The following LRRC4C variants were observed in gnomAD, a reference collection of about 807,000 sequenced individuals.
The protein encoded by LRRC4C is leucine rich repeat containing 4C.
A neutral mutation model predicts 33.6 loss-of-function variants in LRRC4C; 5 were observed. That is an observed-to-expected ratio of 0.15 (90% CI 0.08 to 0.31). The LOEUF (loss-of-function observed/expected upper bound fraction) is 0.31. LRRC4C is among the 10% of genes least tolerant of loss of function. The probability of loss-of-function intolerance (pLI) is 1.00; values close to 1 mark genes in which losing one functional copy is unlikely to be tolerated. For synonymous variants in LRRC4C, 329 were observed against 302.0 expected (o/e 1.09, Z -0.93); for missense variants, 560 against 796.7 (o/e 0.70, Z 3.58).
chr11:41,078,698 G>A (rs931677929), intron 1 of LRRC4C, among the ~76,000 whole-genome samples: 3 of 152,098 alleles, frequency 2.0e-5, no homozygotes, highest in African/African-American at 7.2e-5. Context: ...TCTGACACAT[G>A]GGGATTACAA....
At chr11:40,449,544 GC>G (rs778564425) in intron 3 of LRRC4C, among the ~76,000 whole-genome samples, 53 of 152,130 alleles carry the variant, frequency 3.5e-4, no homozygotes, top group Middle Eastern at 6.8e-3. Context: ...GAAAACCGAG[GC>G]CCCCAAAGTT....
intron 1 of LRRC4C, among the ~76,000 whole-genome samples, chr11:41,372,620 C>T (rs141595283): frequency 3.3e-5 from 5 of 152,172 alleles, no homozygotes; most frequent in Admixed American, 2.6e-4. Flanking sequence ...GTTGGAGACA[C>T]AGATACTCTC....
chr11:41,220,448 G>A (rs1469536608), intron 1 of LRRC4C, among the ~76,000 whole-genome samples: 6 of 150,322 alleles, frequency 4.0e-5, no homozygotes, highest in Non-Finnish European at 5.9e-5. Context: ...TTGGCGGGGG[G>A]GTGTTATCCA....
rs549647072 is a variant in LRRC4C at position 40,947,054 on chromosome 11, T to C, written c.-495-13331A>G. On this transcript the variant is annotated intron_variant, in intron 1 of 6. Transcript: ENST00000528697. ...GCGAAGTTAAGGCAGAAGTCGTACATTTTTTTTCTTTATCAGAGAAAGTTC... is the reference window on the plus strand; with the variant it reads ...GCGAAGTTAAGGCAGAAGTCGTACACTTTTTTTCTTTATCAGAGAAAGTTC... Among the ~76,000 whole-genome samples, 3 of 152,094 alleles carry C rather than the reference T, an allele frequency of 2.0e-5. No individual in the cohort carries two copies. In the East Asian group the frequency reaches 5.8e-4, roughly 29 times the overall value.
intron 6 of LRRC4C, among the ~76,000 whole-genome samples, chr11:40,117,640 C>T (rs1051318800): frequency 4.0e-5 from 6 of 150,956 alleles, no homozygotes; most frequent in Middle Eastern, 3.2e-3. Context: ...TGTGTAATAA[C>T]TTCTCCCAAG....
chr11:41,279,426 A>ACCCCCCCC (rs758334311), intron 1 of LRRC4C, among the ~76,000 whole-genome samples: 6 of 113,272 alleles, frequency 5.3e-5, no homozygotes, highest in East Asian at 3.4e-4. Context: ...ACACACACAC[A>ACCCCCCCC]CACCGTGGCA....
At chr11:40,696,152 G>A (rs1291865787) in intron 2 of LRRC4C, among the ~76,000 whole-genome samples, 2 of 146,188 alleles carry the variant, frequency 1.4e-5, no homozygotes, top group East Asian at 4.0e-4. Context: ...TATGCAACAA[G>A]CAATCTAAGA....
At chr11:41,351,621 C>A (rs1951987367) in intron 1 of LRRC4C, among the ~76,000 whole-genome samples, 1 of 152,084 alleles carries the variant, frequency 6.6e-6, no homozygotes, top group Non-Finnish European at 1.5e-5. Flanking sequence ...ACAAAGGGAA[C>A]CCCATCAGGC....
At chr11:41,069,029 G>A (rs1225605312) in intron 1 of LRRC4C, among the ~76,000 whole-genome samples, 2 of 152,074 alleles carry the variant, frequency 1.3e-5, no homozygotes, top group Non-Finnish European at 2.9e-5. Flanking sequence ...GTAAAATACT[G>A]GCAAACCGAA....
At chr11:40,783,176 G>C (rs967021500) in intron 2 of LRRC4C, among the ~76,000 whole-genome samples, 12 of 152,118 alleles carry the variant, frequency 7.9e-5, no homozygotes, top group African/African-American at 2.9e-4. Flanking sequence ...ACTATGCTTT[G>C]TCAGAAGAAC....
intron 1 of LRRC4C, among the ~76,000 whole-genome samples, chr11:41,059,168 A>G (rs1299949468): frequency 6.7e-6 from 1 of 148,882 alleles, no homozygotes; most frequent in East Asian, 2.0e-4. Flanking sequence ...AAATTTGCCT[A>G]TATAAGGAAT....
At chr11:40,507,074 C>T (rs953007333) in intron 3 of LRRC4C, among the ~76,000 whole-genome samples, 10 of 152,010 alleles carry the variant, frequency 6.6e-5, no homozygotes, top group African/African-American at 1.7e-4. Context: ...AAAAACACTA[C>T]ATGTATTAAA....
intron 2 of LRRC4C, among the ~76,000 whole-genome samples, chr11:40,712,772 A>G (rs1035527009): frequency 2.0e-5 from 3 of 152,156 alleles, no homozygotes; most frequent in African/African-American, 7.2e-5. Flanking sequence ...TATATATTGT[A>G]ATTATTCAAT....
chr11:40,484,379 C>G (rs536653264), intron 3 of LRRC4C, among the ~76,000 whole-genome samples: 52 of 151,978 alleles, frequency 3.4e-4, no homozygotes, highest in Non-Finnish European at 6.6e-4. Flanking sequence ...AACACATAAA[C>G]AGCAAACAAA....
intron 6 of LRRC4C, among the ~76,000 whole-genome samples, chr11:40,121,901 G>C (rs545153290): frequency 6.6e-6 from 1 of 152,206 alleles, no homozygotes; most frequent in Admixed American, 6.5e-5. Flanking sequence ...CCCTAAACAG[G>C]AGAACCAAAA....
At chr11:40,575,371 G>A (rs930651178) in intron 3 of LRRC4C, among the ~76,000 whole-genome samples, 1 of 149,896 alleles carries the variant, frequency 6.7e-6, no homozygotes, top group Non-Finnish European at 1.5e-5. Context: ...TTCGAAATTT[G>A]TCTGTTATTT....
chr11:41,003,102 T>C (rs370576789), intron 1 of LRRC4C, among the ~76,000 whole-genome samples: 2 of 152,298 alleles, frequency 1.3e-5, no homozygotes, highest in South Asian at 2.1e-4. Context: ...AAGATGATTA[T>C]TTTGCCAATG....
chr11:40,538,277 T>TC (rs1159971171), intron 3 of LRRC4C, among the ~76,000 whole-genome samples: 1 of 151,886 alleles, frequency 6.6e-6, no homozygotes, highest in African/African-American at 2.4e-5. Context: ...ATGCTATCCC[T>TC]CCCCCTTCCC....
At chr11:40,615,238 TTATA>T (rs756021420) in intron 3 of LRRC4C, among the ~76,000 whole-genome samples, 2,181 of 88,132 alleles carry the variant, frequency 0.025, 67 homozygotes, top group African/African-American at 0.061. Flanking sequence ...TTGATTTATT[TTATA>T]TATATATATA....
Sources: gnomAD v4.1 joint callset for allele counts (sites outside exome capture counted in the v4.1 genomes callset) on GRCh38, gnomAD v4.1.1 for gene constraint, MANE v1.5 for transcripts, NCBI Gene and HGNC (gene_info 2026-07-23, HGNC 2026-07-21) for gene names.